MIS18A: variants seen among roughly 807,000 people sequenced by gnomAD.
MIS18A encodes the protein MIS18 kinetochore protein A.
A neutral mutation model predicts 25.0 loss-of-function variants in MIS18A; 14 were observed. That is an observed-to-expected ratio of 0.56 (90% CI 0.37 to 0.88). The LOEUF (loss-of-function observed/expected upper bound fraction) is 0.88. Ranked by LOEUF, MIS18A falls within the 40% of genes least tolerant of loss-of-function variation. MIS18A has a pLI of 0.00. For synonymous variants in MIS18A, 134 were observed against 118.6 expected, an observed-to-expected ratio of 1.13 and a Z score of -0.84; for missense variants, 292 against 290.8, an observed-to-expected ratio of 1.00 and a Z score of -0.03.
chr21:32,223,084 C>G, the MIS18A span, among the ~76,000 whole-genome samples: 1 of 151,876 alleles, frequency 6.6e-6, no homozygotes, highest in African/African-American at 2.4e-5. Context: ...TCAATGAGAA[C>G]CAAGACACAA....
chr21:32,171,346 A>C, the MIS18A span, among the ~76,000 whole-genome samples: 2 of 152,114 alleles, frequency 1.3e-5, no homozygotes, highest in African/African-American at 2.4e-5. Context: ...AGTTCTATAC[A>C]CTGACAATAA....
the MIS18A span, among the ~76,000 whole-genome samples, chr21:32,184,350 C>T: frequency 1.2e-4 from 19 of 152,294 alleles, no homozygotes; most frequent in East Asian, 3.7e-3. Context: ...AAAGAGGAGG[C>T]GACAAATAGC....
chr21:32,217,205 A>G, the MIS18A span, among the ~76,000 whole-genome samples: 1 of 152,090 alleles, frequency 6.6e-6, no homozygotes, highest in Non-Finnish European at 1.5e-5. Context: ...CCTATTTTAA[A>G]TATGTTTAAA....
At chr21:32,200,122 T>C in the MIS18A span, among the ~76,000 whole-genome samples, 3 of 152,228 alleles carry the variant, frequency 2.0e-5, no homozygotes, top group Non-Finnish European at 2.9e-5. Context: ...GCTTTGCAGG[T>C]CATACAGCTT....
At chr21:32,158,165 T>C in the MIS18A span, among the ~76,000 whole-genome samples, 2,406 of 152,298 alleles carry the variant, frequency 0.016, 67 homozygotes, top group African/African-American at 0.054. Context: ...AGGCAGGTCT[T>C]TACTTGTCTG....
the MIS18A span, chr21:32,260,723 A>G: frequency 1.3e-5 from 2 of 152,380 alleles, no homozygotes; most frequent in Non-Finnish European, 2.9e-5. Context: ...ATTTTCAAAC[A>G]ATACACAGGC....
At chr21:32,257,342 G>A in the MIS18A span, among the ~76,000 whole-genome samples, 1 of 152,172 alleles carries the variant, frequency 6.6e-6, no homozygotes, top group East Asian at 1.9e-4. Flanking sequence ...AAATGTTCAC[G>A]TGCCCATGTT....
At chr21:32,191,305 C>A in the MIS18A span, among the ~76,000 whole-genome samples, 1 of 152,202 alleles carries the variant, frequency 6.6e-6, no homozygotes, top group Non-Finnish European at 1.5e-5. Context: ...AAGTTCTGCC[C>A]TTGGCTGGGC....
At chr21:32,163,500 G>T in the MIS18A span, among the ~76,000 whole-genome samples, 1 of 152,164 alleles carries the variant, frequency 6.6e-6, no homozygotes, top group African/African-American at 2.4e-5. Context: ...CCCAGGCCAA[G>T]GTTATGACCT....
At chr21:32,223,298 G>A in the MIS18A span, among the ~76,000 whole-genome samples, 8 of 151,308 alleles carry the variant, frequency 5.3e-5, no homozygotes, top group Non-Finnish European at 1.2e-4. Flanking sequence ...GAAGGAGATA[G>A]AGACACAAAA....
Position 32,278,958 on chromosome 21 carries a change from G to T in MIS18A, c.57C>A (p.Cys19Ter). 2 of 1,612,310 alleles carry T rather than the reference G, an allele frequency of 1.2e-6. No individual in the cohort carries two copies. Reference protein sequence around the residue: ...CSRGCAGGCECGDKGKCSDSS... With the variant: ...CSRGCAGGCE ...AGTCGCTGCATTTGCCCTTGTCGCC[G>T]CACTCACAGCCGCCAGCGCATCCTC... The change falls in exon 1 of 5, where the codon TGC becomes TGA. Residue 19 changes from cysteine (C) to a stop codon, truncating the protein, a stop_gained. Coordinates refer to ENST00000290130, the MANE Select transcript of MIS18A (RefSeq NM_018944.3). LOFTEE classifies it high-confidence loss of function.
chr21:32,175,161 G>GTA, the MIS18A span, among the ~76,000 whole-genome samples: 1 of 152,116 alleles, frequency 6.6e-6, no homozygotes, highest in African/African-American at 2.4e-5. Flanking sequence ...TTAGGCAGTT[G>GTA]TAACACAATG....
chr21:32,255,882 C>T, the MIS18A span, among the ~76,000 whole-genome samples: 1 of 150,256 alleles, frequency 6.7e-6, no homozygotes, highest in African/African-American at 2.5e-5. Flanking sequence ...CAGAGCGAGA[C>T]TCTGTCCCAA....
the MIS18A span, among the ~76,000 whole-genome samples, chr21:32,224,301 TA>T: frequency 6.8e-6 from 1 of 147,566 alleles, no homozygotes; most frequent in Non-Finnish European, 1.5e-5. Context: ...GAGAAGGAAA[TA>T]AAAGGTATTC....
the MIS18A span, among the ~76,000 whole-genome samples, chr21:32,251,533 C>A: frequency 1.3e-5 from 2 of 152,142 alleles, no homozygotes; most frequent in Non-Finnish European, 2.9e-5. Context: ...CCCATGCCAG[C>A]GTCTAGGAAG....
At chr21:32,239,417 C>T in the MIS18A span, among the ~76,000 whole-genome samples, 4 of 152,250 alleles carry the variant, frequency 2.6e-5, no homozygotes, top group East Asian at 1.9e-4. Flanking sequence ...AAAAATTCCT[C>T]GGAACCTAGC....
At chr21:32,158,614 A>G in the MIS18A span, among the ~76,000 whole-genome samples, 1 of 152,030 alleles carries the variant, frequency 6.6e-6, no homozygotes, top group Non-Finnish European at 1.5e-5. Flanking sequence ...AGCTGGGATT[A>G]CAGGCATGCA....
At chr21:32,237,872 T>G in the MIS18A span, among the ~76,000 whole-genome samples, 1 of 152,080 alleles carries the variant, frequency 6.6e-6, no homozygotes, top group Admixed American at 6.5e-5. Flanking sequence ...AAGGATAGTC[T>G]TAACAGACCC....
At chr21:32,204,890 C>A in the MIS18A span, among the ~76,000 whole-genome samples, 4 of 151,944 alleles carry the variant, frequency 2.6e-5, no homozygotes, top group African/African-American at 9.7e-5. Flanking sequence ...CTGGCTCAAA[C>A]AAACAAACAT....
Sources: gnomAD v4.1 joint callset for allele counts (sites outside exome capture counted in the v4.1 genomes callset) on GRCh38, gnomAD v4.1.1 for gene constraint, MANE v1.5 for transcripts, NCBI Gene and HGNC (gene_info 2026-07-23, HGNC 2026-07-21) for gene names.